Variants in STX12 observed in about 807,000 individuals in gnomAD.
STX12 encodes the protein syntaxin 12.
STX12 carries 17 observed loss-of-function variants against 42.2 expected under a neutral mutation model. The ratio of observed to expected loss-of-function variants is 0.40; its 90% CI spans 0.28 to 0.60. The LOEUF (loss-of-function observed/expected upper bound fraction) is 0.60, where lower values mean the gene tolerates loss of function less well. Among genes scored for constraint, STX12 ranks in the 20% least tolerant of loss-of-function variants. The pLI is 0.39. For missense variants in STX12, 297 were observed against 330.9 expected (o/e 0.90, Z 0.79); for synonymous variants, 108 against 116.7 (o/e 0.93, Z 0.48).
intron 2 of STX12, among the ~76,000 whole-genome samples, chr1:27,792,765 C>G (rs1301047532): frequency 1.3e-5 from 2 of 152,218 alleles, no homozygotes; most frequent in Non-Finnish European, 2.9e-5. Context: ...CAGATCATAG[C>G]ATGTGGTTTC....
intron 1 of STX12, among the ~76,000 whole-genome samples, chr1:27,787,015 C>T (rs2148598654): frequency 6.6e-6 from 1 of 152,286 alleles, no homozygotes; most frequent in East Asian, 1.9e-4. Flanking sequence ...AACCACTGAG[C>T]TATAGTGGTT....
chr1:27,818,043 G>A, intron 7 of STX12, 120 bp downstream of exon 7: 1 of 728,284 alleles, frequency 1.4e-6, no homozygotes, highest in Non-Finnish European at 2.3e-6. Flanking sequence ...AAGCCAACCT[G>A]GGCAACATAA....
chr1:27,792,880 T>C (rs892651231), intron 2 of STX12, among the ~76,000 whole-genome samples: 3 of 152,228 alleles, frequency 2.0e-5, no homozygotes, highest in Admixed American at 1.3e-4. Context: ...CCACTTAATA[T>C]ACTACATATT....
At position 27,784,107 on chromosome 1, in the gene STX12, G is replaced by C. The variant is rs185330882; in HGVS notation, c.119-5455G>C. 3.0e-3 allele frequency among the ~76,000 whole-genome samples: 453 copies of C among 152,238 alleles called. 4 individuals are homozygous for C. The highest frequency in any genetic ancestry group is 0.01 in the African/African-American group (431 of 41,540). ...AGGCAGGAGAATCGCTTGAACCTGG[G>C]AGGCAGAGGTTGCGGTGAGCTGAGA... On this transcript the variant is annotated intron_variant, in intron 1 of 8. Transcript: ENST00000373943.
intron 1 of STX12, among the ~76,000 whole-genome samples, chr1:27,776,355 A>G (rs1206310073): frequency 1.3e-5 from 2 of 152,202 alleles, no homozygotes; most frequent in African/African-American, 4.8e-5. Flanking sequence ...ACAAATGACA[A>G]TATCTGAATT....
At chr1:27,812,343 C>A in intron 6 of STX12, 75 bp downstream of exon 6, 1 of 1,087,898 alleles carries the variant, frequency 9.2e-7, no homozygotes, top group Non-Finnish European at 1.3e-6. Context: ...CACTTTAATT[C>A]TCTTAGTGAT....
At position 27,810,308 on chromosome 1, in the gene STX12, C is replaced by T. The variant is rs531550444; in HGVS notation, c.470+19C>T. On this transcript the variant is annotated intron_variant, in intron 5 of 8. Coordinates refer to ENST00000373943, the MANE Select transcript of STX12 (RefSeq NM_177424.3). ...TTGACAGGTAATAGAATTATTCATA[C>T]AACCTGCTGGATAGTTGAGATGGGA... 65 of 1,605,988 alleles carry T rather than the reference C, an allele frequency of 4.0e-5. 1 individual carries two copies. In the South Asian group the frequency reaches 6.6e-4, roughly 16 times the overall value.
At chr1:27,807,940 A>G (rs759842417) in intron 4 of STX12, among the ~76,000 whole-genome samples, 2 of 152,268 alleles carry the variant, frequency 1.3e-5, no homozygotes, top group Admixed American at 1.3e-4. Flanking sequence ...GAATATAAAC[A>G]GTATAATTCC....
chr1:27,819,897 T>C, intron 8 of STX12, 165 bp downstream of exon 8: 1 of 555,576 alleles, frequency 1.8e-6, no homozygotes, highest in East Asian at 3.1e-5. Context: ...CCTTTGCAGA[T>C]AGATCTACAA....
chr1:27,811,918 C>A (rs2088905670), intron 5 of STX12: 2 of 580,188 alleles, frequency 3.4e-6, no homozygotes, highest in Non-Finnish European at 3.3e-6. Flanking sequence ...AGCCAGGAGT[C>A]CCATCCGTCA....
At chr1:27,818,370 G>A (rs1261845803) in intron 7 of STX12, among the ~76,000 whole-genome samples, 1 of 146,232 alleles carries the variant, frequency 6.8e-6, no homozygotes, top group Non-Finnish European at 1.5e-5. Flanking sequence ...GACAGAATGA[G>A]ACTTCGTCTC....
intron 6 of STX12, among the ~76,000 whole-genome samples, chr1:27,814,223 GAATT>G (rs1298860159): frequency 2.0e-5 from 3 of 152,208 alleles, no homozygotes; most frequent in Admixed American, 2.0e-4. Context: ...ACTACTAATT[GAATT>G]AATTGTCTAA....
chr1:27,800,779 A>G (rs2148603309), intron 3 of STX12, among the ~76,000 whole-genome samples: 1 of 152,204 alleles, frequency 6.6e-6, no homozygotes, highest in East Asian at 1.9e-4. Flanking sequence ...TCAGCCTCCC[A>G]AAATACTAGG....
At chr1:27,794,756 A>G (rs912437760) in intron 3 of STX12, among the ~76,000 whole-genome samples, 4 of 151,956 alleles carry the variant, frequency 2.6e-5, no homozygotes, top group African/African-American at 9.7e-5. Flanking sequence ...ATAGGGTATT[A>G]CTCTGTCACC....
rs766305750 is a variant in STX12, at chr1:27,773,281, A to G, written c.-27A>G. The G allele has an allele frequency of 3.3e-6, 5 of 1,493,532 alleles. No individual in the cohort carries two copies. The highest frequency in any genetic ancestry group is 2.8e-5 in the African/African-American group (2 of 72,348). The allele number at this position is 1,493,532 out of a possible 1,614,324, so 92.5% of individuals were successfully genotyped here. A position where few individuals can be genotyped will look rare whatever the true frequency, so the allele number is the denominator to read the frequency against. ...GCTGCTTCCGGTAGGAGAGCGGTGT[A>G]GAGCGAGCAGGTCTCAGCTCCTCGT... On this transcript the variant is annotated 5_prime_UTR_variant, in exon 1 of 9. Coordinates refer to ENST00000373943, the MANE Select transcript of STX12 (RefSeq NM_177424.3).
chr1:27,823,931 GAT>G lies in STX12; in HGVS notation c.*1603_*1604del, dbSNP rs768815449. The G allele has an allele frequency of 6.6e-6, 1 of 151,906 alleles. No individual in the cohort carries two copies. Among genetic ancestry groups the G allele is most frequent in the South Asian group, 2.1e-4 (1 of 4,812 alleles). The allele number at this position is 151,906 out of a possible 1,614,324, so 9.4% of individuals were successfully genotyped here. A position where few individuals can be genotyped will look rare whatever the true frequency, so the allele number is the denominator to read the frequency against. On this transcript the variant is annotated 3_prime_UTR_variant, in exon 9 of 9. Transcript: ENST00000373943. ...CTTTCCTTGAAAAACAGTGTGTAGA[GAT>G]GGCTGAGTGCAATGGCTCACACTTG...
intron 3 of STX12, among the ~76,000 whole-genome samples, chr1:27,794,152 G>A (rs1242380330): frequency 3.9e-5 from 6 of 152,022 alleles, no homozygotes; most frequent in Non-Finnish European, 8.8e-5. Flanking sequence ...AGCCTCCTGA[G>A]TAGCTGCAAC....
At chr1:27,814,428 C>T (rs2088926179) in intron 6 of STX12, among the ~76,000 whole-genome samples, 1 of 79,558 alleles carries the variant, frequency 1.3e-5, no homozygotes, top group Non-Finnish European at 2.0e-5. Flanking sequence ...ACTCAGGAGC[C>T]TGAGGCAGAA....
chr1:27,819,348 C>G (rs976740385), intron 7 of STX12, among the ~76,000 whole-genome samples: 1 of 151,044 alleles, frequency 6.6e-6, no homozygotes, highest in African/African-American at 2.4e-5. Flanking sequence ...CCAGATTTAC[C>G]TCTTGTTAAC....
Sources: allele counts gnomAD v4.1 joint callset (sites outside exome capture counted in the v4.1 genomes callset), GRCh38; gene constraint gnomAD v4.1.1; transcripts MANE v1.5; gene names NCBI Gene and HGNC (gene_info 2026-07-23, HGNC 2026-07-21).